KLF12: variants seen among roughly 807,000 people sequenced by gnomAD.
KLF12 encodes KLF transcription factor 12.
A neutral mutation model predicts 37.8 loss-of-function variants in KLF12; 9 were observed. The observed-to-expected ratio is 0.24, with a 90% CI of 0.14 to 0.42. The LOEUF (loss-of-function observed/expected upper bound fraction) is 0.42, where lower values mean the gene tolerates loss of function less well. KLF12 is among the 10% of genes least tolerant of loss of function. KLF12 has a pLI of 1.00. For synonymous variants in KLF12, 208 were observed against 202.1 expected (o/e 1.03, Z -0.25); for missense variants, 411 against 516.0 (o/e 0.80, Z 1.97).
At chr13:73,961,860 GATGTGGAGCAACAGGAACTCTC>G in intron 2 of KLF12, 2 of 372,888 alleles carry the variant, frequency 5.4e-6, no homozygotes, top group Admixed American at 6.5e-5. Context: ...TGTAGGGGAG[GATGTGGAGCAACAGGAACTCTC>G]ATTTCTGGTA....
chr13:74,191,149 C>T, the KLF12 span, among the ~76,000 whole-genome samples: 1 of 152,208 alleles, frequency 6.6e-6, no homozygotes, highest in Non-Finnish European at 1.5e-5. Context: ...TGAACTCTCT[C>T]TCTAATGAAT....
intron 1 of KLF12, among the ~76,000 whole-genome samples, chr13:74,024,778 G>A (rs1483879436): frequency 6.6e-6 from 1 of 152,136 alleles, no homozygotes; most frequent in African/African-American, 2.4e-5. Flanking sequence ...GGGGGAAAAA[G>A]TCTCTCTAAA....
In KLF12 at chr13:73,716,636, T is replaced by C. The variant is rs112685982; in HGVS notation, c.870-1111A>G. On this transcript the variant is annotated intron_variant, in intron 6 of 7. Transcript: ENST00000377669. The stretch of plus-strand genomic sequence containing the variant: ...TTACCTCTTTCCAATTCTTTTAAAT[T>C]ATGTCTACCTATACAAATCTGCATT... 8.1e-3 allele frequency among the ~76,000 whole-genome samples: 1,240 copies of C among 152,306 alleles called. 20 individuals are homozygous for C. Among genetic ancestry groups the C allele is most frequent in the African/African-American group, 0.028 (1,181 of 41,562 alleles).
intron 1 of KLF12, among the ~76,000 whole-genome samples, chr13:74,122,107 A>T (rs1390304425): frequency 6.6e-6 from 1 of 152,122 alleles, no homozygotes; most frequent in African/African-American, 2.4e-5. Context: ...TATATTTTAA[A>T]GGTTGTATTC....
chr13:74,291,602 G>A, the KLF12 span, among the ~76,000 whole-genome samples: 2 of 152,160 alleles, frequency 1.3e-5, no homozygotes. Flanking sequence ...CAGTGAGAAG[G>A]GCAGGGCATT....
At chr13:74,197,312 T>C in the KLF12 span, among the ~76,000 whole-genome samples, 2 of 152,176 alleles carry the variant, frequency 1.3e-5, no homozygotes, top group African/African-American at 2.4e-5. Flanking sequence ...AGTTTTAAAA[T>C]TCAAGGATAT....
chr13:74,209,020 A>T, the KLF12 span, among the ~76,000 whole-genome samples: 1 of 152,046 alleles, frequency 6.6e-6, no homozygotes, highest in African/African-American at 2.4e-5. Flanking sequence ...ATTCAGTTAA[A>T]TCCGATCTTG....
chr13:73,797,793 A>G (rs1370551077), intron 5 of KLF12, among the ~76,000 whole-genome samples: 5 of 143,766 alleles, frequency 3.5e-5, no homozygotes, highest in Non-Finnish European at 6.1e-5. Context: ...AAAAAAAAAA[A>G]GCATTACATT....
chr13:74,304,924 C>G, the KLF12 span, among the ~76,000 whole-genome samples: 1 of 151,970 alleles, frequency 6.6e-6, no homozygotes, highest in Non-Finnish European at 1.5e-5. Flanking sequence ...TCCGCATTGC[C>G]GAGGATAATT....
intron 1 of KLF12, among the ~76,000 whole-genome samples, chr13:74,073,253 T>C (rs2138715864): frequency 6.6e-6 from 1 of 151,842 alleles, no homozygotes; most frequent in Non-Finnish European, 1.5e-5. Context: ...ATTTGACTGA[T>C]TTTTTTTTCT....
Position 73,721,780 on chromosome 13 carries a change from T to C in KLF12, c.870-6255A>G, listed in dbSNP as rs946186245. 9.0e-5 allele frequency among the ~76,000 whole-genome samples: 13 copies of C among 144,664 alleles called. No individual in the cohort carries two copies. In the South Asian group the frequency reaches 3.0e-3, roughly 34 times the overall value. The allele number at this position is 144,664 out of a possible 152,430, so 94.9% of individuals were successfully genotyped here. On this transcript the variant is annotated intron_variant, in intron 6 of 7. Coordinates refer to ENST00000377669, the MANE Select transcript of KLF12 (RefSeq NM_007249.5). ...GTTGTCCTAGCCTGTCTTGAACTCC[T>C]GGCCTCAAGTGATCCTCCCACTTCG...
At chr13:73,917,431 C>G (rs1342310686) in intron 3 of KLF12, among the ~76,000 whole-genome samples, 1 of 152,146 alleles carries the variant, frequency 6.6e-6, no homozygotes, top group African/African-American at 2.4e-5. Context: ...GCTTAGAAAT[C>G]TATTATTTTT....
At position 74,031,464 on chromosome 13, in the gene KLF12, G is replaced by T. The variant is rs1450075523; in HGVS notation, c.-31-36411C>A. Among the ~76,000 whole-genome samples the T allele has an allele frequency of 2.6e-5, 4 of 152,030 alleles. No individual in the cohort carries two copies. The East Asian group carries it at 7.7e-4, about 29-fold the overall frequency. On this transcript the variant is annotated intron_variant, in intron 1 of 7. Transcript: ENST00000377669. ...TAGGTTTATGAGAAATTATCATCAT[G>T]TCTCTTTTATTTTATTTAGAGGAGG...
At chr13:73,917,433 A>G (rs1455127878) in intron 3 of KLF12, among the ~76,000 whole-genome samples, 1 of 152,134 alleles carries the variant, frequency 6.6e-6, no homozygotes, top group Non-Finnish European at 1.5e-5. Context: ...TTAGAAATCT[A>G]TTATTTTTAA....
intron 5 of KLF12, among the ~76,000 whole-genome samples, chr13:73,810,179 A>C (rs1033298080): frequency 6.6e-6 from 1 of 152,016 alleles, no homozygotes; most frequent in Non-Finnish European, 1.5e-5. Flanking sequence ...TGGGAAGCAG[A>C]GGTTGTAGTG....
At chr13:74,089,305 G>A (rs1044158272) in intron 1 of KLF12, among the ~76,000 whole-genome samples, 6 of 151,972 alleles carry the variant, frequency 3.9e-5, no homozygotes, top group Non-Finnish European at 7.4e-5. Flanking sequence ...TTTTAAAACA[G>A]GTATTACTGT....
At chr13:73,708,825 T>C (rs558736745) in intron 7 of KLF12, among the ~76,000 whole-genome samples, 2 of 152,332 alleles carry the variant, frequency 1.3e-5, no homozygotes, top group East Asian at 3.9e-4. Context: ...CATATTAATT[T>C]AAATGGCAAT....
intron 1 of KLF12, among the ~76,000 whole-genome samples, chr13:74,130,226 T>C (rs186307592): frequency 4.6e-4 from 70 of 152,274 alleles, no homozygotes; most frequent in African/African-American, 1.6e-3. Context: ...TGTGCATAAA[T>C]TGCAGGCCGA....
chr13:73,958,368 C>T (rs766252322), intron 2 of KLF12, among the ~76,000 whole-genome samples: 3 of 151,840 alleles, frequency 2.0e-5, no homozygotes, highest in Non-Finnish European at 4.4e-5. Flanking sequence ...CTCAACCTCC[C>T]GAGTAGCTGG....
Sources: gnomAD v4.1 joint callset for allele counts (sites outside exome capture counted in the v4.1 genomes callset) on GRCh38, gnomAD v4.1.1 for gene constraint, MANE v1.5 for transcripts, NCBI Gene and HGNC (gene_info 2026-07-23, HGNC 2026-07-21) for gene names.